The following EYS variants were observed in gnomAD, a reference collection of about 807,000 sequenced individuals.
EYS encodes protein eyes shut homolog.
In EYS, 250 loss-of-function variants were observed where a neutral mutation model predicts 282.1. That is an observed-to-expected ratio of 0.89 (90% CI 0.80 to 0.98). EYS has a LOEUF of 0.98. EYS is among the 50% of genes least tolerant of loss of function. The probability of loss-of-function intolerance (pLI) is 0.00; values close to 1 mark genes in which losing one functional copy is unlikely to be tolerated. For missense variants in EYS, 4,016 were observed against 3,709.0 expected, an observed-to-expected ratio of 1.08 and a Z score of -2.15; for synonymous variants, 1,355 against 1,282.9, an observed-to-expected ratio of 1.06 and a Z score of -1.20.
intron 26 of EYS, among the ~76,000 whole-genome samples, chr6:64,568,485 G>A (rs1245037232): frequency 6.6e-6 from 1 of 152,188 alleles, no homozygotes; most frequent in Admixed American, 6.5e-5. Flanking sequence ...GCCCCAGTCA[G>A]GGACTTACAG....
At chr6:65,622,950 A>T (rs1050917758) in intron 2 of EYS, among the ~76,000 whole-genome samples, 3 of 151,978 alleles carry the variant, frequency 2.0e-5, no homozygotes, top group African/African-American at 7.3e-5. Context: ...TACAGCTGAG[A>T]TCTGTCTATG....
In EYS at chr6:65,395,645, C is replaced by T. The variant is rs181922579; in HGVS notation, c.1184+6833G>A. On this transcript the variant is annotated intron_variant, in intron 7 of 42. Transcript: ENST00000503581. ...TTCCCCAGAAGTTATTCATCTTTTTCGTCTTTATTTTTTTATTGATAAATA... is the reference window on the plus strand; with the variant it reads ...TTCCCCAGAAGTTATTCATCTTTTTTGTCTTTATTTTTTTATTGATAAATA... 4.2e-3 allele frequency among the ~76,000 whole-genome samples: 639 copies of T among 151,964 alleles called. 4 individuals are homozygous for T. The highest frequency in any genetic ancestry group is 0.014 in the African/African-American group (592 of 41,462).
chr6:64,357,941 A>G (rs946031413), intron 29 of EYS, among the ~76,000 whole-genome samples: 2 of 151,616 alleles, frequency 1.3e-5, no homozygotes, highest in African/African-American at 4.8e-5. Flanking sequence ...TTATTCAAGC[A>G]AGGCTGTGTT....
chr6:63,815,625 G>A (rs925007516), intron 36 of EYS, among the ~76,000 whole-genome samples: 1 of 152,054 alleles, frequency 6.6e-6, no homozygotes, highest in African/African-American at 2.4e-5. Flanking sequence ...GCAGTGTCAA[G>A]CATTTAACTG....
At chr6:65,428,148 T>G (rs1389188823) in intron 5 of EYS, among the ~76,000 whole-genome samples, 1 of 152,114 alleles carries the variant, frequency 6.6e-6, no homozygotes, top group East Asian at 1.9e-4. Context: ...AATTACAAAC[T>G]TGCTCATCAA....
chr6:64,909,127 G>A (rs1291225500), intron 16 of EYS, among the ~76,000 whole-genome samples: 1 of 152,106 alleles, frequency 6.6e-6, no homozygotes, highest in Non-Finnish European at 1.5e-5. Flanking sequence ...AATTCCTTGA[G>A]GGCATATCTT....
rs1386994810 is a variant in EYS at position 63,895,921 on chromosome 6, T to G, written c.7056-31563A>C. Among the ~76,000 whole-genome samples, 11 of 151,286 alleles carry G rather than the reference T, an allele frequency of 7.3e-5. 1 individual carries two copies. The highest frequency in any genetic ancestry group is 1.3e-4 in the Admixed American group (2 of 15,196). On this transcript the variant is annotated intron_variant, in intron 35 of 42. Coordinates refer to ENST00000503581, the MANE Select transcript of EYS (RefSeq NM_001142800.2). ...TCATGATTTGTTTTTTTTTTTTTTT[T>G]TTTTTTTTTTTTCAGAAAGCTTTTT...
At chr6:65,203,937 C>T (rs1230242104) in intron 12 of EYS, among the ~76,000 whole-genome samples, 1 of 151,420 alleles carries the variant, frequency 6.6e-6, no homozygotes, top group Non-Finnish European at 1.5e-5. Context: ...AAAGCTTTAA[C>T]AGTAGAGTAG....
At chr6:64,744,024 A>T (rs1245130548) in intron 22 of EYS, among the ~76,000 whole-genome samples, 1 of 152,160 alleles carries the variant, frequency 6.6e-6, no homozygotes, top group East Asian at 1.9e-4. Flanking sequence ...CATTCTCTAC[A>T]TTCATGTCTT....
intron 5 of EYS, among the ~76,000 whole-genome samples, chr6:65,446,963 A>C (rs1768685966): frequency 6.6e-6 from 1 of 151,702 alleles, no homozygotes; most frequent in African/African-American, 2.4e-5. Context: ...TTAGTTATCA[A>C]TTATTAAAGA....
rs768963236 is a variant in EYS, at chr6:65,689,802, C to T, written c.-448+17333G>A. On this transcript the variant is annotated intron_variant, in intron 1 of 42. Transcript: ENST00000503581. Reference sequence around the variant, plus strand: ...TTTGCTGCACCCCTCAACCCAACATCGCCAGATATTGTGGGATCTGGCCAG... The same window carrying T: ...TTTGCTGCACCCCTCAACCCAACATTGCCAGATATTGTGGGATCTGGCCAG... 5.3e-5 allele frequency among the ~76,000 whole-genome samples: 8 copies of T among 149,912 alleles called. 1 individual carries two copies. The highest frequency in any genetic ancestry group is 7.4e-5 in the Non-Finnish European group (5 of 67,640).
intron 35 of EYS, among the ~76,000 whole-genome samples, chr6:63,890,381 A>G (rs1773376607): frequency 1.3e-5 from 2 of 152,246 alleles, no homozygotes; most frequent in Non-Finnish European, 2.9e-5. Context: ...AAAAGAATGG[A>G]AATAATAACA....
At chr6:64,811,441 C>T (rs2150014741) in intron 22 of EYS, among the ~76,000 whole-genome samples, 1 of 151,698 alleles carries the variant, frequency 6.6e-6, no homozygotes, top group East Asian at 1.9e-4. Flanking sequence ...AAAAATCAGC[C>T]AAGCTAGCCT....
At chr6:63,843,400 G>A (rs112643754) in intron 36 of EYS, among the ~76,000 whole-genome samples, 47 of 152,160 alleles carry the variant, frequency 3.1e-4, no homozygotes, top group Middle Eastern at 6.8e-3. Context: ...TGATTTGGCT[G>A]TTTGTCTATT....
At chr6:64,836,022 TTTAAG>T (rs1765372039) in intron 19 of EYS, among the ~76,000 whole-genome samples, 1 of 151,540 alleles carries the variant, frequency 6.6e-6, no homozygotes, top group South Asian at 2.1e-4. Flanking sequence ...ATTAAAATGT[TTTAAG>T]TTGAGTAAAT....
rs183813227 is a variant in EYS, at chr6:65,055,694, G to C, written c.2137+1920C>G. On this transcript the variant is annotated intron_variant, in intron 13 of 42. Transcript: ENST00000503581. ...ATTCTAGTCAAGTATTTTTTAGAAT[G>C]TCTGTCAATTGGGATTTGTCTGATA... 1.4e-4 allele frequency among the ~76,000 whole-genome samples: 21 copies of C among 152,100 alleles called. No individual in the cohort carries two copies. The East Asian group carries it at 4.1e-3, about 30-fold the overall frequency.
At chr6:65,687,072 C>T (rs1219656639) in intron 1 of EYS, among the ~76,000 whole-genome samples, 4 of 151,950 alleles carry the variant, frequency 2.6e-5, no homozygotes, top group African/African-American at 7.2e-5. Context: ...ACTAGTTTCA[C>T]GCATGAGTGA....
chr6:65,359,244 A>G (rs911719226), intron 8 of EYS, among the ~76,000 whole-genome samples: 2 of 152,180 alleles, frequency 1.3e-5, no homozygotes, highest in Admixed American at 1.3e-4. Flanking sequence ...TCACATCAGA[A>G]ATAAGCAAAT....
At chr6:64,136,157 A>AC (rs1439588138) in intron 31 of EYS, among the ~76,000 whole-genome samples, 10 of 150,652 alleles carry the variant, frequency 6.6e-5, no homozygotes, top group Non-Finnish European at 1.5e-4. Flanking sequence ...AAAAAAAAAA[A>AC]CCACCTTGTT....
Sources: allele counts gnomAD v4.1 joint callset (sites outside exome capture counted in the v4.1 genomes callset), GRCh38; gene constraint gnomAD v4.1.1; transcripts MANE v1.5; gene names NCBI Gene and HGNC (gene_info 2026-07-23, HGNC 2026-07-21).